ANKS1B: variants seen among roughly 807,000 people sequenced by gnomAD.
ANKS1B encodes ankyrin repeat and sterile alpha motif domain containing 1B.
Under a neutral mutation model 148.3 loss-of-function variants are expected in ANKS1B, and 36 were observed. The observed-to-expected ratio is 0.24, with a 90% CI of 0.19 to 0.32. The LOEUF is 0.32. Among genes scored for constraint, ANKS1B ranks in the 10% least tolerant of loss-of-function variants. The pLI, the probability that ANKS1B is intolerant of heterozygous loss-of-function variation, is 1.00. For synonymous variants in ANKS1B, 542 were observed against 560.8 expected (o/e 0.97, Z 0.47); for missense variants, 1,157 against 1,542.6 (o/e 0.75, Z 4.19).
chr12:99,102,447 G>A (rs1328566695), intron 15 of ANKS1B, among the ~76,000 whole-genome samples: 5 of 151,802 alleles, frequency 3.3e-5, no homozygotes, highest in East Asian at 1.9e-4. Flanking sequence ...TTTTTCACTC[G>A]TAAGAATAGG....
intron 9 of ANKS1B, among the ~76,000 whole-genome samples, chr12:99,568,230 G>A (rs1244439049): frequency 6.6e-6 from 1 of 152,160 alleles, no homozygotes; most frequent in African/African-American, 2.4e-5. Flanking sequence ...TTCTAGAGGA[G>A]ACTTGCATTC....
intron 12 of ANKS1B, among the ~76,000 whole-genome samples, chr12:99,327,178 ATATT>A (rs1313867955): frequency 8.4e-6 from 1 of 119,598 alleles, no homozygotes; most frequent in African/African-American, 3.4e-5. Context: ...ATTATATTAT[ATATT>A]TATTATAATT....
intron 1 of ANKS1B, among the ~76,000 whole-genome samples, chr12:99,938,424 T>A (rs1177310640): frequency 6.6e-6 from 1 of 152,156 alleles, no homozygotes; most frequent in Admixed American, 6.5e-5. Context: ...GAGCAGAGGA[T>A]TCAAGTCAGC....
At chr12:98,967,906 T>G (rs1436203221) in intron 17 of ANKS1B, among the ~76,000 whole-genome samples, 2 of 152,070 alleles carry the variant, frequency 1.3e-5, no homozygotes, top group Non-Finnish European at 2.9e-5. Context: ...TTTCCTATGT[T>G]AGAAGTTAGG....
chr12:98,740,839 T>C (rs934662090), downstream of ANKS1B, among the ~76,000 whole-genome samples: 1 of 152,224 alleles, frequency 6.6e-6, no homozygotes, highest in Non-Finnish European at 1.5e-5. Context: ...CTTAAAAGTC[T>C]GCCTTATTCA....
chr12:98,954,254 T>C (rs1181433507), intron 17 of ANKS1B: 1 of 152,262 alleles, frequency 6.6e-6, no homozygotes, highest in Non-Finnish European at 1.5e-5. Flanking sequence ...GTTTTATTTT[T>C]CTTTAGTATC....
intron 12 of ANKS1B, among the ~76,000 whole-genome samples, chr12:99,316,363 T>C (rs138221576): frequency 1.7e-3 from 258 of 152,098 alleles, no homozygotes; most frequent in African/African-American, 5.8e-3. Flanking sequence ...GATCGCCATT[T>C]TAACTGGTGT....
chr12:99,480,371 T>C (rs2096391591), intron 10 of ANKS1B, among the ~76,000 whole-genome samples: 1 of 151,862 alleles, frequency 6.6e-6, no homozygotes, highest in Non-Finnish European at 1.5e-5. Flanking sequence ...CTTCAAACTG[T>C]GCAATAAATC....
intron 9 of ANKS1B, among the ~76,000 whole-genome samples, chr12:99,598,250 G>A (rs2097773425): frequency 6.6e-6 from 1 of 152,054 alleles, no homozygotes; most frequent in Admixed American, 6.6e-5. Flanking sequence ...TAGTAGCCAG[G>A]CACTGGGTAT....
intron 17 of ANKS1B, among the ~76,000 whole-genome samples, chr12:98,885,007 A>G (rs970419312): frequency 6.6e-6 from 1 of 152,114 alleles, no homozygotes; most frequent in Non-Finnish European, 1.5e-5. Context: ...TAATCTGTTC[A>G]TCATCCACTC....
At chr12:98,871,904 C>T (rs917049864) in intron 17 of ANKS1B, among the ~76,000 whole-genome samples, 1 of 151,996 alleles carries the variant, frequency 6.6e-6, no homozygotes. Context: ...ATGTCCCAGG[C>T]CCTTAGGAAC....
At chr12:98,929,594 T>C (rs1047481814) in intron 17 of ANKS1B, among the ~76,000 whole-genome samples, 4 of 152,046 alleles carry the variant, frequency 2.6e-5, no homozygotes, top group Non-Finnish European at 5.9e-5. Flanking sequence ...AGGAGAGACA[T>C]ATAAATCAAT....
intron 14 of ANKS1B, among the ~76,000 whole-genome samples, chr12:99,205,438 G>T (rs1035130179): frequency 1.3e-5 from 2 of 152,156 alleles, no homozygotes; most frequent in African/African-American, 4.8e-5. Flanking sequence ...AAATTTTTTT[G>T]TTGTTGTTGA....
intron 15 of ANKS1B, among the ~76,000 whole-genome samples, chr12:99,134,642 CT>C (rs1291023960): frequency 1.3e-5 from 1 of 75,336 alleles, no homozygotes. Flanking sequence ...CTCTCTCTCT[CT>C]CTCACACACA....
At chr12:98,736,850 C>T (rs1450618744) in intron 9 of ANKS1B, among the ~76,000 whole-genome samples, 3 of 152,178 alleles carry the variant, frequency 2.0e-5, no homozygotes, top group African/African-American at 7.2e-5. Flanking sequence ...GCTCATTCAC[C>T]CACCTATCTA....
chr12:99,596,238 C>T (rs183342304), intron 9 of ANKS1B, among the ~76,000 whole-genome samples: 135 of 151,798 alleles, frequency 8.9e-4, no homozygotes, highest in Non-Finnish European at 1.8e-3. Flanking sequence ...AACCATGTTC[C>T]CTCTAAAGGC....
rs555125446 is a variant in ANKS1B, at chr12:99,918,164, A to G, written c.134+65940T>C. On this transcript the variant is annotated intron_variant, in intron 1 of 26. Transcript: ENST00000683438. The stretch of plus-strand genomic sequence containing the variant: ...AAAAAGGTTGGAACTGCTGCTCTAC[A>G]GCGCAGTAGATGAGTCAAACCAATG... Among the ~76,000 whole-genome samples the G allele has an allele frequency of 3.3e-5, 5 of 152,368 alleles. 1 individual carries two copies. The highest frequency in any genetic ancestry group is 7.2e-5 in the African/African-American group (3 of 41,592).
At chr12:99,241,995 G>A (rs1247460344) in intron 14 of ANKS1B, among the ~76,000 whole-genome samples, 1 of 152,182 alleles carries the variant, frequency 6.6e-6, no homozygotes, top group African/African-American at 2.4e-5. Flanking sequence ...GCGAAAGACA[G>A]GGATGCCCTC....
chr12:99,956,723 G>A (rs1245363498), intron 1 of ANKS1B, among the ~76,000 whole-genome samples: 1 of 152,154 alleles, frequency 6.6e-6, no homozygotes, highest in Non-Finnish European at 1.5e-5. Flanking sequence ...GTGGTAAGTT[G>A]TTTTAATGTC....
Sources: allele counts gnomAD v4.1 joint callset (sites outside exome capture counted in the v4.1 genomes callset), GRCh38; gene constraint gnomAD v4.1.1; transcripts MANE v1.5; gene names NCBI Gene and HGNC (gene_info 2026-07-23, HGNC 2026-07-21).